RAB39A: variants seen among roughly 807,000 people sequenced by gnomAD.
RAB39A encodes ras-related protein Rab-39A.
Under a neutral mutation model 20.9 loss-of-function variants are expected in RAB39A, and 17 were observed. That is an observed-to-expected ratio of 0.81 (90% CI 0.56 to 1.22). RAB39A has a LOEUF of 1.22. Ranked by LOEUF, RAB39A falls within the 50% of genes most tolerant of loss-of-function variation. The pLI, the probability that RAB39A is intolerant of heterozygous loss-of-function variation, is 0.00. For synonymous variants in RAB39A, 99 were observed against 103.4 expected, an observed-to-expected ratio of 0.96 and a Z score of 0.26; for missense variants, 234 against 270.5, an observed-to-expected ratio of 0.87 and a Z score of 0.95.
At chr11:107,945,318 CAAAAAAAAA>C (rs33940061) in intron 1 of RAB39A, among the ~76,000 whole-genome samples, 9 of 87,448 alleles carry the variant, frequency 1.0e-4, no homozygotes, top group African/African-American at 3.6e-4. Flanking sequence ...CCCGTCTCTA[CAAAAAAAAA>C]AAAAAAAAAA....
chr11:107,955,981 T>C (rs1034043569), intron 1 of RAB39A, among the ~76,000 whole-genome samples: 1 of 152,038 alleles, frequency 6.6e-6, no homozygotes, highest in African/African-American at 2.4e-5. Flanking sequence ...AGGACTCCCT[T>C]CCCCCAAGAA....
Position 107,938,133 on chromosome 11 carries a change from C to T in RAB39A, c.227+9338C>T, listed in dbSNP as rs372700341. On this transcript the variant is annotated intron_variant, in intron 1 of 1. Transcript: ENST00000320578. ...ATCCCAGCACTTTGGGAGGCCGAGC[C>T]GGGCGGATCACCTGAGGTCAGGAGT... Among the ~76,000 whole-genome samples, 497 of 151,730 alleles carry T rather than the reference C, an allele frequency of 3.3e-3. 3 individuals are homozygous for T. The highest frequency in any genetic ancestry group is 0.011 in the African/African-American group (468 of 41,370).
Position 107,962,364 on chromosome 11 carries a change from T to C in RAB39A, c.646T>C (p.Phe216Leu), listed in dbSNP as rs1252737789. The C allele has an allele frequency of 1.9e-6, 3 of 1,595,564 alleles. No individual in the cohort carries two copies. The highest frequency in any genetic ancestry group is 2.2e-5 in the South Asian group (2 of 89,030). Reference sequence around the variant, plus strand: ...AGCAGTAAAGCCCAGGAAAGAATGCTTCTGCTGACTTCAAACATGCTGAAG... The same window carrying C: ...AGCAGTAAAGCCCAGGAAAGAATGCCTCTGCTGACTTCAAACATGCTGAAG... ...EEAVKPRKEC[F>L]C is the part of the protein sequence containing the mutation. Residue 216 changes from phenylalanine to leucine, a missense_variant, in exon 2 of 2, where the codon TTC (phenylalanine) becomes CTC (leucine). By Grantham distance (22) the Phe-to-Leu change is conservative. Transcript: ENST00000320578.
At chr11:107,935,222 A>C in intron 1 of RAB39A, among the ~76,000 whole-genome samples, 1 of 152,174 alleles carries the variant, frequency 6.6e-6, no homozygotes. Flanking sequence ...AAGAAAGTAA[A>C]GTGGTGAAAG....
At chr11:107,955,112 T>C (rs1162339916) in intron 1 of RAB39A, among the ~76,000 whole-genome samples, 1 of 143,956 alleles carries the variant, frequency 6.9e-6, no homozygotes, top group East Asian at 2.2e-4. Context: ...TTCTCCTGCC[T>C]CAGCCTCCCG....
chr11:107,949,635 G>A (rs1861354770), intron 1 of RAB39A, among the ~76,000 whole-genome samples: 1 of 152,102 alleles, frequency 6.6e-6, no homozygotes, highest in Admixed American at 6.6e-5. Flanking sequence ...TCTGCAAAAG[G>A]ATACCAGAAA....
intron 1 of RAB39A, among the ~76,000 whole-genome samples, chr11:107,951,988 A>G (rs1279073305): frequency 6.6e-6 from 1 of 152,208 alleles, no homozygotes; most frequent in Non-Finnish European, 1.5e-5. Flanking sequence ...TGATTGCATT[A>G]ATCATATATT....
In RAB39A at chr11:107,963,299, C is replaced by G. The variant is rs1027733; in HGVS notation, c.*927C>G. On this transcript the variant is annotated 3_prime_UTR_variant, in exon 2 of 2. Coordinates refer to ENST00000320578, the MANE Select transcript of RAB39A (RefSeq NM_017516.3). Reference sequence around the variant, plus strand: ...TTCCCCAGGCTGGTCTCCAACTCCTCGCCTCAAGCAATTCGCCCCCCTCGG... The same window carrying G: ...TTCCCCAGGCTGGTCTCCAACTCCTGGCCTCAAGCAATTCGCCCCCCTCGG... 140,280 of 152,202 alleles carry G rather than the reference C, an allele frequency of 0.92. 64,807 individuals are homozygous for G. The highest frequency in any genetic ancestry group is 0.96 in the Non-Finnish European group (65,067 of 68,046). 9.4% of individuals were successfully genotyped at this position (152,202 alleles called of 1,614,324 possible).
intron 1 of RAB39A, among the ~76,000 whole-genome samples, chr11:107,942,456 G>A (rs1219329691): frequency 2.0e-5 from 3 of 151,926 alleles, no homozygotes; most frequent in African/African-American, 7.3e-5. Flanking sequence ...GTGCAGTGGT[G>A]TGATCATAGC....
intron 1 of RAB39A, among the ~76,000 whole-genome samples, chr11:107,941,101 G>GT (rs911496173): frequency 1.8e-4 from 27 of 151,776 alleles, no homozygotes; most frequent in Non-Finnish European, 4.4e-5. Flanking sequence ...TAGGCATTGC[G>GT]TATCATTTTT....
At chr11:107,956,854 A>G (rs1861442026) in intron 1 of RAB39A, among the ~76,000 whole-genome samples, 1 of 152,076 alleles carries the variant, frequency 6.6e-6, no homozygotes, top group Non-Finnish European at 1.5e-5. Context: ...GATATTTCCA[A>G]GAGAACAATT....
At chr11:107,951,682 C>T (rs758232415) in intron 1 of RAB39A, among the ~76,000 whole-genome samples, 2 of 137,096 alleles carry the variant, frequency 1.5e-5, no homozygotes, top group Non-Finnish European at 3.0e-5. Flanking sequence ...TTCAGTGGCG[C>T]AGTCATAGTT....
chr11:107,959,120 C>CA (rs35703057), intron 1 of RAB39A, among the ~76,000 whole-genome samples: 12 of 148,466 alleles, frequency 8.1e-5, no homozygotes, highest in Middle Eastern at 3.4e-3. Flanking sequence ...AACTCCGTCT[C>CA]AAAAAAAAAA....
rs1440849794 is a variant in RAB39A, at chr11:107,963,420, A to G, written c.*1048A>G. 6.6e-6 allele frequency: 1 copy of G among 152,206 alleles called. No individual in the cohort carries two copies. The highest frequency in any genetic ancestry group is 1.9e-4 in the East Asian group (1 of 5,200). The allele number at this position is 152,206 out of a possible 1,614,324, so 9.4% of individuals were successfully genotyped here. Reference sequence around the variant, plus strand: ...ACGGTGTACTGTTCGTATTTAGACAAGAAGAACAAAATTTATTTATGTATT... The same window carrying G: ...ACGGTGTACTGTTCGTATTTAGACAGGAAGAACAAAATTTATTTATGTATT... On this transcript the variant is annotated 3_prime_UTR_variant, in exon 2 of 2. Coordinates refer to ENST00000320578, the MANE Select transcript of RAB39A (RefSeq NM_017516.3).
rs971313715 is a variant in RAB39A, at chr11:107,947,628, C to T, written c.228-14318C>T. The stretch of plus-strand genomic sequence containing the variant: ...CACTAAGGCAGTCATTATGAAATTT[C>T]GGAGCACTGGAACCACAGAGAAGTT... On this transcript the variant is annotated intron_variant, in intron 1 of 1. Transcript: ENST00000320578. Among the ~76,000 whole-genome samples the T allele has an allele frequency of 2.6e-5, 4 of 151,538 alleles. No homozygotes were observed. In the East Asian group the frequency reaches 7.7e-4, roughly 29 times the overall value.
intron 1 of RAB39A, among the ~76,000 whole-genome samples, chr11:107,929,295 C>T (rs975881426): frequency 5.3e-5 from 8 of 152,232 alleles, no homozygotes; most frequent in Non-Finnish European, 1.2e-4. Flanking sequence ...TTTAGCTTCA[C>T]AGCAAGGAGC....
At chr11:107,941,565 C>T (rs1861259163) in intron 1 of RAB39A, among the ~76,000 whole-genome samples, 1 of 152,124 alleles carries the variant, frequency 6.6e-6, no homozygotes, top group Non-Finnish European at 1.5e-5. Flanking sequence ...AAAGATTTAT[C>T]TTCTTGCCTG....
intron 1 of RAB39A, among the ~76,000 whole-genome samples, chr11:107,956,442 A>G (rs1360142319): frequency 6.6e-6 from 1 of 152,208 alleles, no homozygotes; most frequent in Non-Finnish European, 1.5e-5. Context: ...GACGCTATAC[A>G]AGAGTACTGA....
At chr11:107,940,677 A>G (rs924478889) in intron 1 of RAB39A, among the ~76,000 whole-genome samples, 1 of 152,166 alleles carries the variant, frequency 6.6e-6, no homozygotes, top group Non-Finnish European at 1.5e-5. Context: ...GTTTGCTTTA[A>G]AAATGACCAC....
Sources: gnomAD v4.1 joint callset for allele counts (sites outside exome capture counted in the v4.1 genomes callset) on GRCh38, gnomAD v4.1.1 for gene constraint, MANE v1.5 for transcripts, NCBI Gene and HGNC (gene_info 2026-07-23, HGNC 2026-07-21) for gene names.